ASAH1: variants seen among roughly 807,000 people sequenced by gnomAD.
ASAH1 encodes the protein acid ceramidase.
ASAH1 carries 70 observed loss-of-function variants against 59.5 expected under a neutral mutation model. The ratio of observed to expected loss-of-function variants is 1.18; its 90% CI spans 0.97 to 1.43. ASAH1 has a LOEUF of 1.43. Among genes scored for constraint, ASAH1 ranks in the 40% most tolerant of loss-of-function variants. ASAH1 has a pLI of 0.00. For synonymous variants in ASAH1, 213 were observed against 166.5 expected (o/e 1.28, Z -2.15); for missense variants, 660 against 482.5 (o/e 1.37, Z -3.45).
intron 1 of ASAH1, among the ~76,000 whole-genome samples, chr8:18,078,528 A>G (rs1217613027): frequency 1.3e-5 from 2 of 152,158 alleles, no homozygotes; most frequent in African/African-American, 4.8e-5. Context: ...TCGTTTATGC[A>G]AAAAGGTTAG....
At chr8:18,074,979 G>C in intron 2 of ASAH1, among the ~76,000 whole-genome samples, 1 of 151,984 alleles carries the variant, frequency 6.6e-6, no homozygotes, top group East Asian at 1.9e-4. Context: ...CAGGAGAATT[G>C]AGTGGAGAAT....
chr8:18,062,227 G>A lies in ASAH1; in HGVS notation c.648+52C>T, dbSNP rs186378479. 7.3e-4 allele frequency: 1,170 copies of A among 1,611,022 alleles called. 2 individuals are homozygous for A. The highest frequency in any genetic ancestry group is 1.4e-3 in the Admixed American group (86 of 59,996). On this transcript the variant is annotated intron_variant, in intron 8 of 13. Coordinates refer to ENST00000637790, the MANE Select transcript of ASAH1 (RefSeq NM_177924.5). ...TCTTAGATTTCAACTTTTACATAACGGTAACAGGACAGAAGGCTACCTGTA... is the reference window on the plus strand; with the variant it reads ...TCTTAGATTTCAACTTTTACATAACAGTAACAGGACAGAAGGCTACCTGTA...
chr8:18,077,663 T>C (rs1029247926), intron 1 of ASAH1, among the ~76,000 whole-genome samples: 5 of 152,222 alleles, frequency 3.3e-5, no homozygotes, highest in African/African-American at 4.8e-5. Context: ...CAATGACATG[T>C]AAAATAATTT....
intron 2 of ASAH1, among the ~76,000 whole-genome samples, chr8:18,074,379 G>C (rs111578889): frequency 2.7e-5 from 4 of 150,278 alleles, no homozygotes; most frequent in Non-Finnish European, 4.4e-5. Context: ...ATAAAGGCGA[G>C]TAAGTCAAAA....
chr8:18,063,284 A>C, intron 6 of ASAH1, 54 bp from the exon 7 acceptor site: 3 of 1,472,076 alleles, frequency 2.0e-6, no homozygotes, highest in Non-Finnish European at 2.9e-6. Flanking sequence ...TTCTAAATCA[A>C]AGCTGGACAA....
At position 18,071,320 on chromosome 8, in the gene ASAH1, T is replaced by A; in HGVS notation, c.196A>T (p.Met66Leu). The A allele has an allele frequency of 6.3e-7, 1 of 1,598,108 alleles. No homozygotes were observed. Reference sequence around the variant, plus strand: ...CATACCACTGGTGCCTTGTCAAGCATCAATTCATGCCATCTTTTGTAGGGT... The same window carrying A: ...CATACCACTGGTGCCTTGTCAAGCAACAATTCATGCCATCTTTTGTAGGGT... ...LPPYKRWHELMLDKAPVLKVI... is the reference protein window; with the variant it reads ...LPPYKRWHELLLDKAPVLKVI... Residue 66 changes from methionine to leucine, a missense_variant, in exon 3 of 14, where the codon ATG (methionine) becomes TTG (leucine). Physicochemically the swap from Met to Leu is conservative, Grantham distance 15. Coordinates refer to ENST00000637790, the MANE Select transcript of ASAH1 (RefSeq NM_177924.5).
Position 18,059,602 on chromosome 8 carries a change from C to T in ASAH1, c.887G>A (p.Arg296Gln), listed in dbSNP as rs745596489. 2 of 1,614,168 alleles carry T rather than the reference C, an allele frequency of 1.2e-6. No homozygotes were observed. The highest frequency in any genetic ancestry group is 1.7e-6 in the Non-Finnish European group (2 of 1,180,020). Residue 296 changes from arginine (R) to glutamine (Q), a missense_variant, in exon 11 of 14, where the codon CGA becomes CAA. Transcript: ENST00000637790. The stretch of plus-strand genomic sequence containing the variant: ...TACATCCAATGATTCCTTTCTGTCT[C>T]GTGTAATCACACAACCTTCCCCAGA... ...NQSGEGCVIT[R>Q]DRKESLDVYE...
intron 1 of ASAH1, chr8:18,076,807 C>A (rs1800421928): frequency 6.6e-6 from 1 of 152,148 alleles, no homozygotes; most frequent in African/African-American, 2.4e-5. Context: ...GAATGGAGGT[C>A]TAGCACCTTG....
upstream of ASAH1, chr8:18,084,749 G>A (rs142522145): frequency 3.7e-6 from 6 of 1,613,708 alleles, no homozygotes; most frequent in South Asian, 3.3e-5. Flanking sequence ...ACTTGGGTAG[G>A]AGGCCCGGTG....
rs1212983134 is a variant in ASAH1 at position 18,083,874 on chromosome 8, GC to G, written c.78+106del. 7 of 1,527,582 alleles carry G rather than the reference GC, an allele frequency of 4.6e-6. No homozygotes were observed. The African/African-American group carries it at 5.5e-5, about 12-fold the overall frequency. The allele number at this position is 1,527,582 out of a possible 1,614,324, so 94.6% of individuals were successfully genotyped here. On this transcript the variant is annotated intron_variant, in intron 1 of 13. Transcript: ENST00000637790. ...AACCACAGACCCCCGTAAAGAAGCT[GC>G]CCAGCACGAGGTGTTCCTTGTACCC...
chr8:18,081,060 G>A (rs1462229051), intron 1 of ASAH1, among the ~76,000 whole-genome samples: 1 of 152,138 alleles, frequency 6.6e-6, no homozygotes, highest in East Asian at 1.9e-4. Flanking sequence ...GTGGCCTGCT[G>A]GATGCCTCTC....
intron 8 of ASAH1, 136 bp from the exon 9 acceptor site, chr8:18,061,876 A>G: frequency 3.5e-6 from 3 of 869,174 alleles, no homozygotes; most frequent in Non-Finnish European, 5.6e-6. Context: ...CAAAACCATA[A>G]AAGGCTTTTT....
chr8:18,064,122 C>T (rs915767687), intron 6 of ASAH1: 1 of 480,956 alleles, frequency 2.1e-6, no homozygotes, highest in Non-Finnish European at 3.7e-6. Context: ...TCATGACATA[C>T]ACGAAGATAA....
At position 18,056,164 on chromosome 8, in the gene ASAH1, C is replaced by G. The variant is rs1298686377; in HGVS notation, c.*1370G>C. The G allele has an allele frequency of 6.6e-6, 1 of 152,008 alleles. No homozygotes were observed. The highest frequency in any genetic ancestry group is 1.5e-5 in the Non-Finnish European group (1 of 68,030). The allele number at this position is 152,008 out of a possible 1,614,324, so 9.4% of individuals were successfully genotyped here. A position where few individuals can be genotyped will look rare whatever the true frequency, so the allele number is the denominator to read the frequency against. ...AATCCTCTTATAATTCCTCGTTTCACTAAAGTAATCTTGGAATCACTAAAG... is the reference window on the plus strand; with the variant it reads ...AATCCTCTTATAATTCCTCGTTTCAGTAAAGTAATCTTGGAATCACTAAAG... On this transcript the variant is annotated 3_prime_UTR_variant, in exon 14 of 14. Transcript: ENST00000637790.
At chr8:18,077,672 T>C (rs1032267639) in intron 1 of ASAH1, among the ~76,000 whole-genome samples, 13 of 152,198 alleles carry the variant, frequency 8.5e-5, no homozygotes, top group African/African-American at 3.1e-4. Flanking sequence ...GTAAAATAAT[T>C]TCATTTTCCC....
chr8:18,083,857 AC>A (rs1482917179), intron 1 of ASAH1, 123 bp downstream of exon 1: 2 of 1,515,162 alleles, frequency 1.3e-6, no homozygotes, highest in Admixed American at 4.0e-5. Flanking sequence ...GAAACCACAG[AC>A]CCCCGTAAAG....
intron 2 of ASAH1, among the ~76,000 whole-genome samples, chr8:18,075,119 C>T (rs2117076645): frequency 6.6e-6 from 1 of 150,712 alleles, no homozygotes; most frequent in South Asian, 2.1e-4. Context: ...CCTCAGCCTC[C>T]AGAGTAGCTG....
intron 2 of ASAH1, among the ~76,000 whole-genome samples, chr8:18,074,141 A>AC (rs1262389548): frequency 3.2e-4 from 48 of 152,340 alleles, no homozygotes; most frequent in African/African-American, 1.0e-3. Flanking sequence ...CATGGAAGGC[A>AC]CCTCATTAAA....
chr8:18,072,611 A>G (rs1164443366), intron 2 of ASAH1, among the ~76,000 whole-genome samples: 3 of 152,238 alleles, frequency 2.0e-5, no homozygotes, highest in African/African-American at 7.2e-5. Context: ...TTAGGAGCTG[A>G]TATCTACATG....
Sources: gnomAD v4.1 joint callset for allele counts (sites outside exome capture counted in the v4.1 genomes callset) on GRCh38, gnomAD v4.1.1 for gene constraint, MANE v1.5 for transcripts, NCBI Gene and HGNC (gene_info 2026-07-23, HGNC 2026-07-21) for gene names.